ADAMTS7: variants seen among roughly 807,000 people sequenced by gnomAD.
ADAMTS7 encodes the protein ADAM metallopeptidase with thrombospondin type 1 motif 7, also known as A disintegrin and metalloproteinase with thrombospondin motifs 7.
ADAMTS7 carries 89 observed loss-of-function variants against 172.6 expected under a neutral mutation model. The observed-to-expected ratio is 0.52, with a 90% CI of 0.43 to 0.61. ADAMTS7 has a LOEUF of 0.61. Among genes scored for constraint, ADAMTS7 ranks in the 20% least tolerant of loss-of-function variants. The probability of loss-of-function intolerance (pLI) is 0.00; values close to 1 mark genes in which losing one functional copy is unlikely to be tolerated. For synonymous variants in ADAMTS7, 885 were observed against 978.4 expected, an observed-to-expected ratio of 0.90 and a Z score of 1.78; for missense variants, 1,973 against 2,355.6, an observed-to-expected ratio of 0.84 and a Z score of 3.36.
chr15:78,797,917 C>T (rs1200425681), intron 3 of ADAMTS7, 31 bp downstream of exon 3: 2 of 1,584,330 alleles, frequency 1.3e-6, no homozygotes, highest in East Asian at 2.3e-5. Context: ...GGCCCAGCAC[C>T]CACCCGAGAA....
intron 1 of ADAMTS7, among the ~76,000 whole-genome samples, chr15:78,808,104 C>A (rs1381449944): frequency 3.3e-5 from 5 of 152,124 alleles, no homozygotes; most frequent in Non-Finnish European, 7.4e-5. Flanking sequence ...GATCTGCCTA[C>A]CTTGGCCTCC....
At chr15:78,776,060 C>G (rs2055338297) in intron 11 of ADAMTS7, 128 bp downstream of exon 11, 3 of 1,305,414 alleles carry the variant, frequency 2.3e-6, no homozygotes, top group Non-Finnish European at 2.0e-6. Flanking sequence ...GGCCTGGACA[C>G]TCGGACTGAC....
intron 20 of ADAMTS7, 67 bp from the exon 21 acceptor site, chr15:78,764,166 T>A: frequency 7.0e-7 from 1 of 1,425,464 alleles, no homozygotes; most frequent in Non-Finnish European, 9.2e-7. Context: ...CCCCGTGAGG[T>A]GTGTGGCGGG....
At chr15:78,790,519 G>A in intron 6 of ADAMTS7, 151 bp downstream of exon 6, 3 of 986,632 alleles carry the variant, frequency 3.0e-6, no homozygotes, top group Non-Finnish European at 4.4e-6. Context: ...CCCAAGTGCG[G>A]ACAGAATCCA....
intron 1 of ADAMTS7, among the ~76,000 whole-genome samples, chr15:78,805,725 TG>T: frequency 6.6e-6 from 1 of 152,154 alleles, no homozygotes; most frequent in East Asian, 1.9e-4. Flanking sequence ...GGCTACTAAC[TG>T]TGAGGGGGCA....
Position 78,811,199 on chromosome 15 carries a change from G to T in ADAMTS7, c.22C>A (p.Arg8Ser). 8.1e-7 allele frequency: 1 copy of T among 1,229,138 alleles called. No individual in the cohort carries two copies. Among genetic ancestry groups the T allele is most frequent in the Non-Finnish European group, 1.0e-6 (1 of 986,224 alleles). 76.1% of individuals were successfully genotyped at this position (1,229,138 alleles called of 1,614,324 possible). The change falls in exon 1 of 24, where the codon CGC (arginine) becomes AGC (serine). Residue 8 changes from arginine (R) to serine (S), a missense_variant. Arg to Ser is a moderately radical substitution (Grantham distance 110). This residue lies in a region of ADAMTS7 where 306 missense variants were observed against 288.0 expected (regional missense o/e 1.06). Transcript: ENST00000388820. MPGGPSP[R>S]SPAPLLRPLL... The stretch of plus-strand genomic sequence containing the variant: ...GGGCGCAGCAAAGGCGCGGGGCTGC[G>T]GGGACTGGGGCCGCCGGGCATGGCA...
Position 78,779,813 on chromosome 15 carries a change from C to T in ADAMTS7, c.1323-2225G>A, listed in dbSNP as rs186846371. 0.011 allele frequency among the ~76,000 whole-genome samples: 1,744 copies of T among 152,094 alleles called. 34 individuals carry two copies. In the East Asian group the frequency reaches 0.12, roughly 10 times the overall value. On this transcript the variant is annotated intron_variant, in intron 8 of 23. Transcript: ENST00000388820. ...GTCCCTGGGCTGCAGCCCAGCCCTT[C>T]TGCTTCCTGGCTGCCCCAGTGCTGA... is the stretch of plus-strand genomic sequence containing the variant.
At chr15:78,762,176 T>C in intron 23 of ADAMTS7, 6 of 813,532 alleles carry the variant, frequency 7.4e-6, no homozygotes, top group Non-Finnish European at 8.9e-6. Context: ...CAGCTGCCTA[T>C]GGGATGTTGT....
At chr15:78,790,611 T>A in intron 6 of ADAMTS7, 59 bp downstream of exon 6, 1 of 1,598,952 alleles carries the variant, frequency 6.3e-7, no homozygotes, top group Non-Finnish European at 8.5e-7. Context: ...GGGCTTCTTC[T>A]GCAGGGCCGG....
intron 8 of ADAMTS7, among the ~76,000 whole-genome samples, chr15:78,787,898 A>C (rs1029683967): frequency 6.6e-6 from 1 of 152,038 alleles, no homozygotes; most frequent in Non-Finnish European, 1.5e-5. Flanking sequence ...TTACCGCTAC[A>C]GGCCTTTCTC....
chr15:78,777,316 T>C, intron 9 of ADAMTS7, 128 bp downstream of exon 9: 3 of 1,321,726 alleles, frequency 2.3e-6, no homozygotes, highest in Non-Finnish European at 3.0e-6. Flanking sequence ...TCTCACAGTG[T>C]CACTCAGGGG....
rs2055175804 is a variant in ADAMTS7, at chr15:78,767,493, C to T, written c.2745G>A (p.Glu915=). The T allele has an allele frequency of 4.3e-6, 7 of 1,610,336 alleles. No individual in the cohort carries two copies. Among genetic ancestry groups the T allele is most frequent in the Non-Finnish European group, 5.9e-6 (7 of 1,179,404 alleles). ...VLCIRSVGLD[E]QSALEPPACE... ...AGGCGGGTGGCTCCAGGGCGCTCTGCTCATCCAGCCCCACGCTGCGGATGC... is the reference window on the plus strand; with the variant it reads ...AGGCGGGTGGCTCCAGGGCGCTCTGTTCATCCAGCCCCACGCTGCGGATGC... The change falls in exon 18 of 24, where the codon GAG becomes GAA. Residue 915 remains glutamate, a synonymous_variant. Coordinates refer to ENST00000388820, the MANE Select transcript of ADAMTS7 (RefSeq NM_014272.5).
chr15:78,789,540 G>T, intron 7 of ADAMTS7, 149 bp downstream of exon 7: 1 of 1,126,910 alleles, frequency 8.9e-7, no homozygotes, highest in Non-Finnish European at 1.3e-6. Flanking sequence ...AGGGGACAGT[G>T]CAGGGGCAGC....
rs779232396 is a variant in ADAMTS7, at chr15:78,800,417, G to T, written c.231C>A (p.Asp77Glu). 3 of 1,609,552 alleles carry T rather than the reference G, an allele frequency of 1.9e-6. No homozygotes were observed. Among genetic ancestry groups the T allele is most frequent in the South Asian group, 2.2e-5 (2 of 90,646 alleles). ...LRKRDVSVRR[D>E]APAFYELQYR... ...ATTGTAGCTCGTAGAAGGCGGGCGC[G>T]TCTCGGCGCACAGATACATCCCGCT... Residue 77 changes from aspartate to glutamate, a missense_variant, in exon 2 of 24, where the codon GAC (aspartate) becomes GAA (glutamate). Coordinates refer to ENST00000388820, the MANE Select transcript of ADAMTS7 (RefSeq NM_014272.5).
intron 12 of ADAMTS7, 84 bp from the exon 13 acceptor site, chr15:78,774,384 T>A: frequency 1.4e-6 from 2 of 1,464,920 alleles, no homozygotes; most frequent in Non-Finnish European, 1.8e-6. Flanking sequence ...GTGACACACA[T>A]CCATGGCAGG....
intron 8 of ADAMTS7, among the ~76,000 whole-genome samples, chr15:78,784,388 G>A (rs1212236847): frequency 2.5e-5 from 3 of 117,850 alleles, no homozygotes; most frequent in Non-Finnish European, 3.8e-5. Context: ...GAGAGAGAGA[G>A]GGAGAGGGAG....
rs373885319 is a variant in ADAMTS7 at position 78,771,232 on chromosome 15, G to A, written c.2448C>T (p.Asp816=). 4.1e-5 allele frequency: 66 copies of A among 1,611,974 alleles called. No individual in the cohort carries two copies. The Middle Eastern group carries it at 5.8e-4, about 14-fold the overall frequency. Residue 816 remains aspartate (D), a synonymous_variant, in exon 16 of 24, where the codon GAC becomes GAT. Coordinates refer to ENST00000388820, the MANE Select transcript of ADAMTS7 (RefSeq NM_014272.5). The surrounding 1 kb of genome is among the most constrained non-coding windows in gnomAD (Gnocchi z 4.9). The part of the protein sequence containing the change: ...YTIHREAGGH[D]EVPPPVFSWH... The stretch of plus-strand genomic sequence containing the variant: ...AGGAGAACACGGGCGGCGGGACCTC[G>A]TCGTGGCCACCTGCCTCCCTGTGGA...
chr15:78,805,168 G>T (rs929096165), intron 1 of ADAMTS7, among the ~76,000 whole-genome samples: 3 of 152,200 alleles, frequency 2.0e-5, no homozygotes, highest in Non-Finnish European at 4.4e-5. Context: ...AGAAGCCACC[G>T]GACTGGATGA....
intron 11 of ADAMTS7, 95 bp downstream of exon 11, chr15:78,776,093 G>T (rs527613589): frequency 1.6e-5 from 23 of 1,433,698 alleles, no homozygotes; most frequent in Non-Finnish European, 2.1e-5. Context: ...ACTTCTAAGA[G>T]CCAGGGGCTG....
Sources: gnomAD v4.1 joint callset for allele counts (sites outside exome capture counted in the v4.1 genomes callset) on GRCh38, gnomAD v4.1.1 for gene constraint, gnomAD v4.1.1 regional missense constraint, Gnocchi (gnomAD v3.1) non-coding constraint, MANE v1.5 for transcripts, NCBI Gene and HGNC (gene_info 2026-07-23, HGNC 2026-07-21) for gene names.